SLC11A2: variants seen among roughly 807,000 people sequenced by gnomAD.
SLC11A2 encodes the protein solute carrier family 11 member 2, also known as natural resistance-associated macrophage protein 2.
In SLC11A2, 38 loss-of-function variants were observed where a neutral mutation model predicts 68.0. The ratio of observed to expected loss-of-function variants is 0.56; its 90% CI spans 0.43 to 0.73. The LOEUF is 0.73. SLC11A2 is among the 30% of genes least tolerant of loss of function. The pLI, the probability that SLC11A2 is intolerant of heterozygous loss-of-function variation, is 0.00. For synonymous variants in SLC11A2, 242 were observed against 250.6 expected, an observed-to-expected ratio of 0.97 and a Z score of 0.32; for missense variants, 517 against 690.5, an observed-to-expected ratio of 0.75 and a Z score of 2.82.
chr12:50,988,573 A>C, intron 15 of SLC11A2, 138 bp from the exon 16 acceptor site: 1 of 1,402,542 alleles, frequency 7.1e-7, no homozygotes, highest in Non-Finnish European at 9.7e-7. Flanking sequence ...AGGGTTGCAC[A>C]AGTCATTCTC....
rs552935700 is a variant in SLC11A2 at position 51,009,621 on chromosome 12, A to C, written c.35-997T>G. Reference sequence around the variant, plus strand: ...TAGAAAAGGAACAGAAATTCCAAAGAAGCTCAGATTTAGGAAGGAATAGTC... The same window carrying C: ...TAGAAAAGGAACAGAAATTCCAAAGCAGCTCAGATTTAGGAAGGAATAGTC... On this transcript the variant is annotated intron_variant, in intron 2 of 15. Coordinates refer to ENST00000262052, the MANE Select transcript of SLC11A2 (RefSeq NM_000617.3). 7.2e-5 allele frequency among the ~76,000 whole-genome samples: 11 copies of C among 152,346 alleles called. No homozygotes were observed. The East Asian group carries it at 9.6e-4, about 13-fold the overall frequency.
chr12:51,023,319 A>C (rs1401452653), intron 1 of SLC11A2, among the ~76,000 whole-genome samples: 1 of 152,178 alleles, frequency 6.6e-6, no homozygotes, highest in Non-Finnish European at 1.5e-5. Flanking sequence ...TGGTGGCGCA[A>C]GCCTGTAGTC....
At chr12:50,983,402 C>T (rs1940241299), downstream of SLC11A2, among the ~76,000 whole-genome samples, 1 of 152,150 alleles carries the variant, frequency 6.6e-6, no homozygotes, top group Admixed American at 6.5e-5. Context: ...AGCAACTATC[C>T]CTATTTTAGT....
chr12:51,018,900 T>C (rs1039846738), intron 1 of SLC11A2, among the ~76,000 whole-genome samples: 6 of 152,214 alleles, frequency 3.9e-5, no homozygotes, highest in African/African-American at 1.2e-4. Flanking sequence ...CTAAAATTAA[T>C]TGTAGGTTTA....
the SLC11A2 span, among the ~76,000 whole-genome samples, chr12:50,966,470 C>T: frequency 6.6e-6 from 1 of 152,142 alleles, no homozygotes; most frequent in East Asian, 1.9e-4. Context: ...TAACAGCATC[C>T]CTGGTCTCCA....
At chr12:50,982,297 T>G (rs1179998627), downstream of SLC11A2, among the ~76,000 whole-genome samples, 4 of 152,222 alleles carry the variant, frequency 2.6e-5, no homozygotes, top group Non-Finnish European at 5.9e-5. Context: ...CAAATGTTTG[T>G]CAGCCTGCAT....
At chr12:50,957,639 C>T in the SLC11A2 span, among the ~76,000 whole-genome samples, 4,168 of 151,444 alleles carry the variant, frequency 0.028, 84 homozygotes, top group Non-Finnish European at 0.04. Context: ...AATCCCAGCA[C>T]TTTGGGAGGC....
intron 14 of SLC11A2, 165 bp downstream of exon 14, chr12:50,991,434 C>T (rs973200896): frequency 1.5e-6 from 1 of 660,218 alleles, no homozygotes; most frequent in South Asian, 1.7e-5. Context: ...TCTTCCTTTA[C>T]TATATTCACA....
chr12:50,977,177 T>C (rs1304283091), downstream of SLC11A2, among the ~76,000 whole-genome samples: 1 of 152,156 alleles, frequency 6.6e-6, no homozygotes, highest in African/African-American at 2.4e-5. Context: ...AAAAAGAGCC[T>C]GCATTGCCAA....
rs772536999 is a variant in SLC11A2 at position 51,000,322 on chromosome 12, G to T, written c.527C>A (p.Ser176Tyr). 3 of 1,610,860 alleles carry T rather than the reference G, an allele frequency of 1.9e-6. No individual in the cohort carries two copies. The highest frequency in any genetic ancestry group is 2.5e-6 in the Non-Finnish European group (3 of 1,177,006). ...IGSAIAINLL[S>Y]VGRIPLWGGV... ...GAGGAAAACCCCTCACCTTCCTACA[G>T]ACAGAAGATTGATAGCAATGGCTGA... The change falls in exon 6 of 16, where the codon TCT (serine) becomes TAT (tyrosine). Residue 176 changes from serine to tyrosine, a missense_variant. Ser to Tyr is a moderately radical substitution (Grantham distance 144). Transcript: ENST00000262052.
downstream of SLC11A2, chr12:50,980,252 G>A (rs763988148): frequency 9.2e-6 from 2 of 217,810 alleles, no homozygotes; most frequent in Non-Finnish European, 1.9e-5. Flanking sequence ...GGGTGCAGTG[G>A]CTCACACCTG....
rs780197418 is a variant in SLC11A2, at chr12:50,992,306, G to A, written c.1231C>T (p.Arg411Ter). ...FLNLKWSRFA[R>*]VVLTRSIAII... ...GCAATAGAGCGAGTCAGAACCACTC[G>A]GGCAAAGCGTGACCACTTTAGGTTC... Residue 411 changes from arginine (R) to a stop codon, truncating the protein, a stop_gained, in exon 13 of 16, where the codon CGA becomes TGA. Coordinates refer to ENST00000262052, the MANE Select transcript of SLC11A2 (RefSeq NM_000617.3). LOFTEE classifies it high-confidence loss of function. 3.1e-6 allele frequency: 5 copies of A among 1,613,992 alleles called. No individual in the cohort carries two copies. Among genetic ancestry groups the A allele is most frequent in the Non-Finnish European group, 3.4e-6 (4 of 1,179,940 alleles).
At chr12:50,971,138 C>T in the SLC11A2 span, among the ~76,000 whole-genome samples, 3 of 152,148 alleles carry the variant, frequency 2.0e-5, no homozygotes, top group Non-Finnish European at 4.4e-5. Flanking sequence ...CATTGGCTTC[C>T]CAAAGTGCTG....
chr12:51,003,413 G>A (rs1942442141), intron 5 of SLC11A2, among the ~76,000 whole-genome samples: 1 of 151,784 alleles, frequency 6.6e-6, no homozygotes. Context: ...GCACGTGGCT[G>A]TAATCCAAGC....
At chr12:51,027,917 T>TC (rs1652127204), upstream of SLC11A2, among the ~76,000 whole-genome samples, 1 of 18,328 alleles carries the variant, frequency 5.5e-5, no homozygotes, top group Non-Finnish European at 1.5e-4. Context: ...CAAAAAAAAG[T>TC]GGGGGGGGGG....
the SLC11A2 span, chr12:50,954,476 CTT>C: frequency 6.3e-6 from 1 of 158,526 alleles, no homozygotes; most frequent in African/African-American, 2.4e-5. Context: ...GCATATGTCT[CTT>C]TGTCTTGTAA....
chr12:51,008,811 G>A (rs1222351193), intron 2 of SLC11A2, among the ~76,000 whole-genome samples, 187 bp from the exon 3 acceptor site: 1 of 151,902 alleles, frequency 6.6e-6, no homozygotes. Flanking sequence ...ACATTCACAT[G>A]GTTAAAAATT....
chr12:51,004,195 C>A (rs941135449), intron 5 of SLC11A2, among the ~76,000 whole-genome samples: 1 of 151,958 alleles, frequency 6.6e-6, no homozygotes, highest in Non-Finnish European at 1.5e-5. Context: ...AAACAAGAGA[C>A]AAAACTAAGT....
In SLC11A2 at chr12:50,986,461, A is replaced by G. The variant is rs1355628978; in HGVS notation, c.*1864T>C. On this transcript the variant is annotated 3_prime_UTR_variant, in exon 16 of 16. Coordinates refer to ENST00000262052, the MANE Select transcript of SLC11A2 (RefSeq NM_000617.3). ...GCAAGTCATAAATATAACTTTTAAAAGAATACTAGCAGCTTTTACCTAGGC... is the reference window on the plus strand; with the variant it reads ...GCAAGTCATAAATATAACTTTTAAAGGAATACTAGCAGCTTTTACCTAGGC... 2 of 1,285,380 alleles carry G rather than the reference A, an allele frequency of 1.6e-6. No individual in the cohort carries two copies. The highest frequency in any genetic ancestry group is 2.3e-5 in the Admixed American group (1 of 43,474). The allele number at this position is 1,285,380 out of a possible 1,614,324, so 79.6% of individuals were successfully genotyped here. A position where few individuals can be genotyped will look rare whatever the true frequency, so the allele number is the denominator to read the frequency against.
Sources: gnomAD v4.1 joint callset for allele counts (sites outside exome capture counted in the v4.1 genomes callset) on GRCh38, gnomAD v4.1.1 for gene constraint, MANE v1.5 for transcripts, NCBI Gene and HGNC (gene_info 2026-07-23, HGNC 2026-07-21) for gene names.